The following CRTAP variants were observed in gnomAD, a reference collection of about 807,000 sequenced individuals.
CRTAP encodes cartilage-associated protein.
CRTAP carries 33 observed loss-of-function variants against 42.7 expected under a neutral mutation model. The observed-to-expected ratio is 0.77, with a 90% CI of 0.59 to 1.03. The LOEUF (loss-of-function observed/expected upper bound fraction) is 1.03, where lower values mean the gene tolerates loss of function less well. Among genes scored for constraint, CRTAP ranks in the 50% least tolerant of loss-of-function variants. The pLI is 0.00. For missense variants in CRTAP, 613 were observed against 533.9 expected (o/e 1.15, Z -1.46); for synonymous variants, 243 against 217.7 (o/e 1.12, Z -1.02).
rs1173383778 is a variant in CRTAP, at chr3:33,145,281, CT to C, written c.*2835del. The C allele has an allele frequency of 6.6e-6, 1 of 152,388 alleles. No individual in the cohort carries two copies. 9.4% of individuals were successfully genotyped at this position (152,388 alleles called of 1,614,324 possible). ...CAGGACAGTCCCCTACCACTTCTGT[CT>C]TGGGCTGAAGTTGCCCACGTCCACA... On this transcript the variant is annotated 3_prime_UTR_variant, in exon 7 of 7. Transcript: ENST00000320954. The surrounding 1 kb of genome is among the most constrained non-coding windows in gnomAD (Gnocchi z 4.3).
chr3:33,117,093 C>A (rs559454009), intron 1 of CRTAP, among the ~76,000 whole-genome samples: 55 of 151,564 alleles, frequency 3.6e-4, no homozygotes, highest in African/African-American at 1.3e-3. Flanking sequence ...GGTGACAGAA[C>A]AAGACTCTTG....
In CRTAP at chr3:33,133,403, C is replaced by T. The variant is rs891414846; in HGVS notation, c.1068+703C>T. On this transcript the variant is annotated intron_variant, in intron 5 of 6. Coordinates refer to ENST00000320954, the MANE Select transcript of CRTAP (RefSeq NM_006371.5). Reference sequence around the variant, plus strand: ...CCTCCCGAGTAGCTGGGATTACAGGCGTGCACCAACATATCACACTAATTT... The same window carrying T: ...CCTCCCGAGTAGCTGGGATTACAGGTGTGCACCAACATATCACACTAATTT... Among the ~76,000 whole-genome samples, 4 of 151,798 alleles carry T rather than the reference C, an allele frequency of 2.6e-5. No individual in the cohort carries two copies. The South Asian group carries it at 8.3e-4, about 32-fold the overall frequency.
Position 33,124,472 on chromosome 3 carries a change from T to C in CRTAP, c.686T>C (p.Met229Thr). 2.5e-6 allele frequency: 4 copies of C among 1,614,172 alleles called. No homozygotes were observed. The highest frequency in any genetic ancestry group is 1.3e-5 in the African/African-American group (1 of 75,040). ...GENWRTSITD[M>T]ELALPDFFKA... ...AACTGGAGAACATCCATCACAGACA[T>C]GGAGCTGGCCCTTCCCGACTTCTTC... Residue 229 changes from methionine (M) to threonine (T), a missense_variant, in exon 3 of 7, where the codon ATG becomes ACG. Transcript: ENST00000320954.
intron 6 of CRTAP, among the ~76,000 whole-genome samples, chr3:33,140,924 G>A (rs1353757301): frequency 2.0e-5 from 3 of 152,196 alleles, no homozygotes; most frequent in Non-Finnish European, 2.9e-5. Context: ...CTTGCCTTTT[G>A]TAGTCCCCCT....
intron 2 of CRTAP, among the ~76,000 whole-genome samples, chr3:33,120,917 G>A (rs1236056140): frequency 6.6e-6 from 1 of 152,106 alleles, no homozygotes; most frequent in Non-Finnish European, 1.5e-5. Flanking sequence ...AAATGAAGAC[G>A]AGTTAGGAAG....
intron 4 of CRTAP, among the ~76,000 whole-genome samples, chr3:33,132,158 G>T (rs148533247): frequency 1.1e-4 from 16 of 152,198 alleles, no homozygotes; most frequent in African/African-American, 3.9e-4. Context: ...GGAGACTGTG[G>T]TCCCATCCAG....
chr3:33,114,235 A>C lies in CRTAP; in HGVS notation c.158A>C (p.Asp53Ala). ...GAGTCGGCCTACCGGCACGCGCTGGACAAGTACAGCGGCGAGCACTGGGCC... is the reference window on the plus strand; with the variant it reads ...GAGTCGGCCTACCGGCACGCGCTGGCCAAGTACAGCGGCGAGCACTGGGCC... ...PLESAYRHAL[D>A]KYSGEHWAES... The change falls in exon 1 of 7, where the codon GAC becomes GCC. Residue 53 changes from aspartate (D) to alanine (A), a missense_variant. Transcript: ENST00000320954. The C allele has an allele frequency of 1.3e-6, 2 of 1,592,006 alleles. No individual in the cohort carries two copies. The highest frequency in any genetic ancestry group is 1.7e-6 in the Non-Finnish European group (2 of 1,175,236).
At chr3:33,123,457 C>CTCTT (rs58262347) in intron 2 of CRTAP, among the ~76,000 whole-genome samples, 97,333 of 151,448 alleles carry the variant, frequency 0.64, 31,972 homozygotes, top group Non-Finnish European at 0.72. Context: ...CCTCCCCGCT[C>CTCTT]TCTTCCTTCT....
At chr3:33,133,708 T>A (rs1436493565) in intron 5 of CRTAP, among the ~76,000 whole-genome samples, 3 of 152,246 alleles carry the variant, frequency 2.0e-5, no homozygotes, top group African/African-American at 7.2e-5. Flanking sequence ...TTTCTCCATG[T>A]CACATCCATG....
chr3:33,121,365 T>C (rs1040321170), intron 2 of CRTAP, among the ~76,000 whole-genome samples: 1 of 151,288 alleles, frequency 6.6e-6, no homozygotes, highest in Non-Finnish European at 1.5e-5. Flanking sequence ...TGAGCTGAGA[T>C]TGCGCCACTG....
Position 33,119,452 on chromosome 3 carries a change from G to A in CRTAP, c.472-892G>A, listed in dbSNP as rs545379254. Among the ~76,000 whole-genome samples, 39 of 152,268 alleles carry A rather than the reference G, an allele frequency of 2.6e-4. 1 individual carries two copies. The South Asian group carries it at 8.1e-3, about 32-fold the overall frequency. ...GAGAGGCTCTTAATTGAGGCCACTA[G>A]GAGACAGGGAGAACTTAACAGAATA... On this transcript the variant is annotated intron_variant, in intron 1 of 6. Transcript: ENST00000320954.
chr3:33,117,652 T>C (rs1173545190), intron 1 of CRTAP, among the ~76,000 whole-genome samples: 2 of 152,212 alleles, frequency 1.3e-5, no homozygotes, highest in East Asian at 3.8e-4. Flanking sequence ...CTGTGGCCTC[T>C]AACTCCCCGG....
At chr3:33,136,404 A>C (rs2030419687) in intron 6 of CRTAP, among the ~76,000 whole-genome samples, 1 of 152,166 alleles carries the variant, frequency 6.6e-6, no homozygotes, top group South Asian at 2.1e-4. Flanking sequence ...CCAGTTTTTT[A>C]TACCTAGGAG....
chr3:33,129,836 C>A, intron 3 of CRTAP, 103 bp from the exon 4 acceptor site: 1 of 1,232,300 alleles, frequency 8.1e-7, no homozygotes, highest in Non-Finnish European at 1.2e-6. Context: ...CGCGCCCGGC[C>A]TGTAAATATT....
In CRTAP at chr3:33,114,046, C is replaced by A; in HGVS notation, c.-32C>A. ...TTCTCCCTCCCCTTTTCCCTTCCTTCGTCCCTTCCTTCCTTCCTTTCGCCG... is the reference window on the plus strand; with the variant it reads ...TTCTCCCTCCCCTTTTCCCTTCCTTAGTCCCTTCCTTCCTTCCTTTCGCCG... On this transcript the variant is annotated 5_prime_UTR_variant, in exon 1 of 7. Transcript: ENST00000320954. The A allele has an allele frequency of 7.0e-7, 1 of 1,421,828 alleles. No individual in the cohort carries two copies. Among genetic ancestry groups the A allele is most frequent in the Non-Finnish European group, 9.2e-7 (1 of 1,083,072 alleles). 88.1% of individuals were successfully genotyped at this position (1,421,828 alleles called of 1,614,324 possible).
chr3:33,114,658 T>TGGAGG, intron 1 of CRTAP, 110 bp downstream of exon 1: 1 of 1,009,076 alleles, frequency 9.9e-7, no homozygotes, highest in Non-Finnish European at 1.5e-6. Context: ...GTTCTAGACC[T>TGGAGG]GGCTCCCTCC....
chr3:33,123,021 C>T (rs533461122), intron 2 of CRTAP, among the ~76,000 whole-genome samples: 3 of 151,982 alleles, frequency 2.0e-5, no homozygotes, highest in Non-Finnish European at 2.9e-5. Flanking sequence ...TGCAGTGCAA[C>T]GGCACGATCT....
intron 6 of CRTAP, among the ~76,000 whole-genome samples, chr3:33,136,880 T>C (rs940929131): frequency 2.6e-5 from 4 of 152,070 alleles, no homozygotes; most frequent in Non-Finnish European, 4.4e-5. Context: ...AACATGAGAT[T>C]TGGAGGGGAC....
intron 4 of CRTAP, among the ~76,000 whole-genome samples, chr3:33,131,003 A>G (rs1380701974): frequency 6.6e-6 from 1 of 152,144 alleles, no homozygotes; most frequent in East Asian, 1.9e-4. Flanking sequence ...GACTTTGCCA[A>G]GTGCCACTTG....
Sources: gnomAD v4.1 joint callset for allele counts (sites outside exome capture counted in the v4.1 genomes callset) on GRCh38, gnomAD v4.1.1 for gene constraint, Gnocchi (gnomAD v3.1) non-coding constraint, MANE v1.5 for transcripts, NCBI Gene and HGNC (gene_info 2026-07-23, HGNC 2026-07-21) for gene names.